Variants in DTNA observed in about 807,000 individuals in gnomAD.
DTNA encodes the protein dystrophin-related protein 3.
In DTNA, 43 loss-of-function variants were observed where a neutral mutation model predicts 100.7. That is an observed-to-expected ratio of 0.43 (90% confidence interval 0.33 to 0.55). DTNA has a LOEUF of 0.55. Among genes scored for constraint, DTNA ranks in the 20% least tolerant of loss-of-function variants. The pLI, the probability that DTNA is intolerant of heterozygous loss-of-function variation, is 0.04. For synonymous variants in DTNA, 349 were observed against 347.9 expected (o/e 1.00, Z -0.04); for missense variants, 798 against 953.9 (o/e 0.84, Z 2.15).
rs574657536 is a variant in DTNA, at chr18:34,688,492, C to T, written c.-1-67484C>T. 7.4e-4 allele frequency among the ~76,000 whole-genome samples: 113 copies of T among 152,262 alleles called. 1 individual carries two copies. The highest frequency in any genetic ancestry group is 1.7e-3 in the African/African-American group (71 of 41,564). On this transcript the variant is annotated intron_variant, in intron 1 of 19. Transcript: ENST00000283365. ...GCCCCCACTCTCTTCTGGCTTGTAGCGTTTCTGCTGAGAGATCCACTGTTA... is the reference window on the plus strand; with the variant it reads ...GCCCCCACTCTCTTCTGGCTTGTAGTGTTTCTGCTGAGAGATCCACTGTTA...
intron 1 of DTNA, among the ~76,000 whole-genome samples, chr18:34,687,884 T>C (rs2079137119): frequency 6.6e-6 from 1 of 152,224 alleles, no homozygotes; most frequent in Non-Finnish European, 1.5e-5. Context: ...CCCTTTAACA[T>C]TATGTAATGC....
intron 1 of DTNA, among the ~76,000 whole-genome samples, chr18:34,598,944 A>G (rs892541790): frequency 2.6e-5 from 4 of 152,238 alleles, no homozygotes; most frequent in Admixed American, 6.5e-5. Context: ...GAAAAACTGT[A>G]TTTGTTTATT....
chr18:34,767,518 T>C (rs1443823926), intron 3 of DTNA: 1 of 152,218 alleles, frequency 6.6e-6, no homozygotes, highest in Non-Finnish European at 1.5e-5. Flanking sequence ...TTGCAATTTA[T>C]AAAGAAAAGG....
intron 16 of DTNA, among the ~76,000 whole-genome samples, chr18:34,862,093 A>G (rs1456896609): frequency 6.7e-6 from 1 of 149,188 alleles, no homozygotes; most frequent in African/African-American, 2.5e-5. Flanking sequence ...ACTACTGTGG[A>G]TGTACCTGGA....
intron 1 of DTNA, among the ~76,000 whole-genome samples, chr18:34,593,157 C>G (rs1006135342): frequency 1.3e-5 from 2 of 152,104 alleles, no homozygotes; most frequent in Non-Finnish European, 2.9e-5. Context: ...CTTTTACCCA[C>G]GTAGAGACAG....
At chr18:34,530,166 C>G (rs539120136) in intron 1 of DTNA, among the ~76,000 whole-genome samples, 1 of 152,158 alleles carries the variant, frequency 6.6e-6, no homozygotes, top group South Asian at 2.1e-4. Flanking sequence ...ACTGTCTGCC[C>G]GGGCAGAGCA....
chr18:34,667,159 C>T (rs559567356), intron 1 of DTNA, among the ~76,000 whole-genome samples: 4 of 152,132 alleles, frequency 2.6e-5, no homozygotes, highest in Admixed American at 2.6e-4. Context: ...AGATGGATTC[C>T]TAGGTATTTT....
chr18:34,582,355 A>G (rs749188573), intron 1 of DTNA, among the ~76,000 whole-genome samples: 1 of 152,206 alleles, frequency 6.6e-6, no homozygotes, highest in Non-Finnish European at 1.5e-5. Context: ...TGCAGTCTCA[A>G]CGCCTTTTGA....
chr18:34,791,590 A>G (rs11662090), intron 3 of DTNA, among the ~76,000 whole-genome samples: 22,765 of 152,204 alleles, frequency 0.15, 2,085 homozygotes, highest in African/African-American at 0.26. Flanking sequence ...GATAAATAAC[A>G]CCAAGAAATA....
Position 34,673,361 on chromosome 18 carries a change from A to G in DTNA, c.-1-82615A>G, listed in dbSNP as rs555197534. Among the ~76,000 whole-genome samples, 250 of 152,196 alleles carry G rather than the reference A, an allele frequency of 1.6e-3. 1 individual carries two copies. Among genetic ancestry groups the G allele is most frequent in the African/African-American group, 5.9e-3 (243 of 41,522 alleles). ...TGTCATGTTGCCCAGGCTGGTCCCG[A>G]ACTCCTGGGTTCAAGGGATCTGCTT... On this transcript the variant is annotated intron_variant, in intron 1 of 19. Transcript: ENST00000283365.
chr18:34,507,837 G>T (rs967782512), intron 1 of DTNA, among the ~76,000 whole-genome samples: 1 of 152,144 alleles, frequency 6.6e-6, no homozygotes, highest in South Asian at 2.1e-4. Flanking sequence ...ACACGCTAAC[G>T]TTGAGAACCA....
rs151260248 is a variant in DTNA, at chr18:34,862,196, G to A, written c.1647-1770G>A. The stretch of plus-strand genomic sequence containing the variant: ...TTGTCACTGAGGAATATTCTTGAAT[G>A]GGGCAAGGCTTTTGAAATTAGAATG... On this transcript the variant is annotated intron_variant, in intron 16 of 22. Coordinates refer to ENST00000444659, the MANE Select transcript of DTNA (RefSeq NM_001386795.1). Among the ~76,000 whole-genome samples the A allele has an allele frequency of 1.8e-3, 264 of 150,474 alleles. 2 individuals are homozygous for A. The highest frequency in any genetic ancestry group is 5.9e-3 in the African/African-American group (242 of 41,126).
At chr18:34,752,745 G>A (rs1014644868) in intron 1 of DTNA, among the ~76,000 whole-genome samples, 8 of 152,284 alleles carry the variant, frequency 5.3e-5, no homozygotes, top group Non-Finnish European at 1.2e-4. Context: ...TGACCTGGAA[G>A]TGAGAATTAA....
chr18:34,755,011 A>G (rs1488529272), intron 1 of DTNA, among the ~76,000 whole-genome samples: 1 of 152,250 alleles, frequency 6.6e-6, no homozygotes. Flanking sequence ...GCCATAGGCA[A>G]AAAACCATGC....
intron 1 of DTNA, among the ~76,000 whole-genome samples, chr18:34,736,952 A>C (rs2089724945): frequency 6.6e-6 from 1 of 152,226 alleles, no homozygotes; most frequent in African/African-American, 2.4e-5. Flanking sequence ...TTTGTGAGAA[A>C]GGCACATAGT....
At chr18:34,852,604 C>T (rs866348047) in intron 15 of DTNA, among the ~76,000 whole-genome samples, 6 of 152,216 alleles carry the variant, frequency 3.9e-5, no homozygotes, top group African/African-American at 1.2e-4. Context: ...ACTCCTCTTA[C>T]CATCACCTGC....
intron 1 of DTNA, among the ~76,000 whole-genome samples, chr18:34,688,132 C>T (rs1005877585): frequency 6.6e-6 from 1 of 152,076 alleles, no homozygotes; most frequent in Admixed American, 6.6e-5. Flanking sequence ...GAGCATTTAG[C>T]CCATTTACAT....
upstream of DTNA, among the ~76,000 whole-genome samples, chr18:34,707,962 T>C (rs1339925357): frequency 6.6e-6 from 1 of 152,244 alleles, no homozygotes; most frequent in Non-Finnish European, 1.5e-5. Context: ...ACTGATTTGT[T>C]GTGGGGCTTT....
At chr18:34,569,108 C>T (rs939790421) in intron 1 of DTNA, among the ~76,000 whole-genome samples, 1 of 152,160 alleles carries the variant, frequency 6.6e-6, no homozygotes, top group Non-Finnish European at 1.5e-5. Flanking sequence ...TGTGAAATGG[C>T]CTGGCTGGAT....
Sources: allele counts gnomAD v4.1 joint callset (sites outside exome capture counted in the v4.1 genomes callset), GRCh38; gene constraint gnomAD v4.1.1; transcripts MANE v1.5; gene names NCBI Gene and HGNC (gene_info 2026-07-23, HGNC 2026-07-21).